Variants in PPARD observed in about 807,000 individuals in gnomAD.
PPARD encodes the protein peroxisome proliferator-activated receptor delta.
A neutral mutation model predicts 39.5 loss-of-function variants in PPARD; 6 were observed. The ratio of observed to expected loss-of-function variants is 0.15; its 90% CI spans 0.08 to 0.30. The LOEUF is 0.30. Ranked by LOEUF, PPARD falls within the 10% of genes least tolerant of loss-of-function variation. PPARD has a pLI of 1.00. For synonymous variants in PPARD, 210 were observed against 231.3 expected, an observed-to-expected ratio of 0.91 and a Z score of 0.83; for missense variants, 397 against 596.8, an observed-to-expected ratio of 0.67 and a Z score of 3.49.
chr6:35,415,290 C>G (rs774783222), intron 3 of PPARD, among the ~76,000 whole-genome samples: 1 of 152,192 alleles, frequency 6.6e-6, no homozygotes, highest in Non-Finnish European at 1.5e-5. Flanking sequence ...AGCCTCAAAT[C>G]CCTGCAGAAT....
At chr6:35,384,166 A>G (rs1284241156) in intron 2 of PPARD, among the ~76,000 whole-genome samples, 48 of 106,304 alleles carry the variant, frequency 4.5e-4, no homozygotes, top group Middle Eastern at 6.3e-3. Context: ...CCTACTGGGA[A>G]GTGAGGAGCC....
At chr6:35,390,437 G>A (rs947363502) in intron 2 of PPARD, among the ~76,000 whole-genome samples, 3 of 152,130 alleles carry the variant, frequency 2.0e-5, no homozygotes, top group Non-Finnish European at 4.4e-5. Flanking sequence ...GTGGAATGTT[G>A]CCATGTGGGA....
At chr6:35,347,769 C>T (rs374385051) in intron 2 of PPARD, among the ~76,000 whole-genome samples, 3 of 151,534 alleles carry the variant, frequency 2.0e-5, no homozygotes, top group Non-Finnish European at 4.4e-5. Context: ...CCACCACGCC[C>T]GGCTAATTTT....
intron 2 of PPARD, among the ~76,000 whole-genome samples, chr6:35,367,932 A>G (rs1335964534): frequency 1.3e-5 from 2 of 152,258 alleles, no homozygotes; most frequent in East Asian, 3.8e-4. Flanking sequence ...CTTGATGGAA[A>G]GAGTGGCAAA....
chr6:35,414,691 G>C (rs1487312012), intron 3 of PPARD, among the ~76,000 whole-genome samples: 1 of 152,130 alleles, frequency 6.6e-6, no homozygotes, highest in Non-Finnish European at 1.5e-5. Context: ...GTGACACATC[G>C]CAGGTCTCAG....
rs1764691537 is a variant in PPARD at position 35,401,519 on chromosome 6, A to C, written c.-101-9468A>C. 6.6e-6 allele frequency among the ~76,000 whole-genome samples: 1 copy of C among 152,082 alleles called. No homozygotes were observed. Among genetic ancestry groups the C allele is most frequent in the African/African-American group, 2.4e-5 (1 of 41,402 alleles). On this transcript the variant is annotated intron_variant, in intron 2 of 7. Coordinates refer to ENST00000360694, the MANE Select transcript of PPARD (RefSeq NM_006238.5). The surrounding 1 kb of genome is among the most constrained non-coding windows in gnomAD (Gnocchi z 4.1). Reference sequence around the variant, plus strand: ...ACCCACATCCTCAGCTTACCCTTCAAGACGCTGAGTGACCTCTAGCCACAG... The same window carrying C: ...ACCCACATCCTCAGCTTACCCTTCACGACGCTGAGTGACCTCTAGCCACAG...
rs185953106 is a variant in PPARD at position 35,357,742 on chromosome 6, G to A, written c.-102+10592G>A. Reference sequence around the variant, plus strand: ...AGTAGAGACGGGATTTCACTATCTTGGCCAGGCTGGTCTCAAACTCCTGAC... The same window carrying A: ...AGTAGAGACGGGATTTCACTATCTTAGCCAGGCTGGTCTCAAACTCCTGAC... On this transcript the variant is annotated intron_variant, in intron 2 of 7. Coordinates refer to ENST00000360694, the MANE Select transcript of PPARD (RefSeq NM_006238.5). 9.1e-4 allele frequency among the ~76,000 whole-genome samples: 138 copies of A among 151,934 alleles called. 1 individual carries two copies. Among genetic ancestry groups the A allele is most frequent in the Non-Finnish European group, 1.2e-4 (8 of 67,994 alleles).
At chr6:35,409,675 C>T (rs1765294995) in intron 2 of PPARD, among the ~76,000 whole-genome samples, 1 of 151,960 alleles carries the variant, frequency 6.6e-6, no homozygotes, top group South Asian at 2.1e-4. Context: ...AGACTAGTAC[C>T]CGATAGTTAT....
At chr6:35,353,934 G>A (rs1044102419) in intron 2 of PPARD, among the ~76,000 whole-genome samples, 2 of 152,132 alleles carry the variant, frequency 1.3e-5, no homozygotes, top group African/African-American at 4.8e-5. Context: ...ACTTTACAGT[G>A]ATGTAAAAGC....
At chr6:35,384,346 T>C (rs1232220779) in intron 2 of PPARD, among the ~76,000 whole-genome samples, 199 of 108,228 alleles carry the variant, frequency 1.8e-3, no homozygotes, top group Middle Eastern at 0.014. Context: ...CCGCCCCGTC[T>C]GGGAGGTGAG....
chr6:35,356,989 G>T (rs190289557), intron 2 of PPARD, among the ~76,000 whole-genome samples: 2 of 152,358 alleles, frequency 1.3e-5, no homozygotes, highest in Admixed American at 1.3e-4. Context: ...TATGATGTCT[G>T]CACAACAGAG....
chr6:35,369,837 G>GC (rs2150532408), intron 2 of PPARD, among the ~76,000 whole-genome samples: 1 of 152,308 alleles, frequency 6.6e-6, no homozygotes, highest in East Asian at 1.9e-4. Flanking sequence ...GTCCGAATCT[G>GC]TGACTAGAAC....
Position 35,351,695 on chromosome 6 carries a change from A to G in PPARD, c.-102+4545A>G, listed in dbSNP as rs541256477. ...CAGCGTCCAGAGTAGCTAGGACTAC[A>G]GGTATGTGCTACCATGCCCAGCTCA... On this transcript the variant is annotated intron_variant, in intron 2 of 7. Transcript: ENST00000360694. Among the ~76,000 whole-genome samples the G allele has an allele frequency of 1.4e-4, 22 of 152,172 alleles. No individual in the cohort carries two copies. In the South Asian group the frequency reaches 4.4e-3, roughly 30 times the overall value.
intron 2 of PPARD, among the ~76,000 whole-genome samples, chr6:35,389,375 T>C (rs1225067597): frequency 6.6e-6 from 1 of 152,064 alleles, no homozygotes; most frequent in Non-Finnish European, 1.5e-5. Context: ...GCAATAGCAC[T>C]ATCTCGGCTC....
chr6:35,426,029 G>C lies in PPARD; in HGVS notation c.1276G>C (p.Glu426Gln), dbSNP rs139791337. 6.4e-5 allele frequency: 104 copies of C among 1,613,726 alleles called. No homozygotes were observed. Among genetic ancestry groups the C allele is most frequent in the Non-Finnish European group, 8.6e-5 (102 of 1,180,028 alleles). ...MMQRIKKTETETSLHPLLQEI... is the reference protein window; with the variant it reads ...MMQRIKKTETQTSLHPLLQEI... ...GCAGCGGATCAAGAAGACCGAAACC[G>C]AGACCTCGCTGCACCCTCTGCTCCA... The change falls in exon 8 of 8, where the codon GAG becomes CAG. Residue 426 changes from glutamate to glutamine, a missense_variant. Physicochemically the swap from Glu to Gln is conservative, Grantham distance 29. Transcript: ENST00000360694.
intron 4 of PPARD, among the ~76,000 whole-genome samples, chr6:35,420,583 G>A (rs1366735054): frequency 3.9e-5 from 6 of 152,210 alleles, no homozygotes; most frequent in Non-Finnish European, 8.8e-5. Context: ...CTGAGCCATC[G>A]TCTTACCTGA....
chr6:35,364,576 G>C (rs1163680060), intron 2 of PPARD, among the ~76,000 whole-genome samples: 15 of 151,874 alleles, frequency 9.9e-5, no homozygotes, highest in Non-Finnish European at 7.4e-5. Context: ...TGGGATTACA[G>C]GTGCATGCCA....
In PPARD at chr6:35,425,713, G is replaced by T. The variant is rs1766526128; in HGVS notation, c.1079-119G>T. 2 of 1,414,630 alleles carry T rather than the reference G, an allele frequency of 1.4e-6. No homozygotes were observed. The highest frequency in any genetic ancestry group is 1.9e-5 in the Admixed American group (1 of 53,702). The allele number at this position is 1,414,630 out of a possible 1,614,324, so 87.6% of individuals were successfully genotyped here. ...AGTGGAGCATTGCTGATGGGACAGG[G>T]CTTGGTCTGTCACGGCCAAGGAGGC... On this transcript the variant is annotated intron_variant, in intron 7 of 7. Transcript: ENST00000360694. This position sits in a 1 kb window ranked among gnomAD's most constrained non-coding sequence, Gnocchi z 4.5.
intron 2 of PPARD, among the ~76,000 whole-genome samples, chr6:35,350,876 C>G (rs1761204045): frequency 6.6e-6 from 1 of 152,072 alleles, no homozygotes; most frequent in South Asian, 2.1e-4. Flanking sequence ...ATCTGCCCAC[C>G]TCGGTCTCCC....
Sources: allele counts gnomAD v4.1 joint callset (sites outside exome capture counted in the v4.1 genomes callset), GRCh38; gene constraint gnomAD v4.1.1; non-coding constraint Gnocchi (gnomAD v3.1); transcripts MANE v1.5; gene names NCBI Gene and HGNC (gene_info 2026-07-23, HGNC 2026-07-21).